Variants in NUP153 observed in about 807,000 individuals in gnomAD.
The protein encoded by NUP153 is nuclear pore complex protein Nup153.
In NUP153, 27 loss-of-function variants were observed where a neutral mutation model predicts 134.6. That is an observed-to-expected ratio of 0.20 (90% confidence interval 0.15 to 0.28). NUP153 has a LOEUF of 0.28. NUP153 is among the 10% of genes least tolerant of loss of function. The pLI is 1.00. For missense variants in NUP153, 1,821 were observed against 1,731.3 expected (o/e 1.05, Z -0.92); for synonymous variants, 640 against 623.5 (o/e 1.03, Z -0.40).
intron 1 of NUP153, among the ~76,000 whole-genome samples, chr6:17,702,804 T>G (rs1354032104): frequency 6.6e-6 from 1 of 152,238 alleles, no homozygotes; most frequent in Non-Finnish European, 1.5e-5. Context: ...TCTTCATATT[T>G]GCTTCTACAA....
chr6:17,704,882 C>T (rs1770376651), intron 1 of NUP153, among the ~76,000 whole-genome samples: 1 of 152,054 alleles, frequency 6.6e-6, no homozygotes, highest in Non-Finnish European at 1.5e-5. Flanking sequence ...GCCTCAGCCT[C>T]CCAAGTAGCT....
chr6:17,682,691 T>G (rs184657984), intron 2 of NUP153, among the ~76,000 whole-genome samples: 34 of 151,974 alleles, frequency 2.2e-4, no homozygotes, highest in African/African-American at 7.5e-4. Flanking sequence ...GGCTGAGGGG[T>G]GCAGATCACT....
At chr6:17,669,062 G>A in intron 7 of NUP153, 34 bp from the exon 8 acceptor site, 3 of 1,382,430 alleles carry the variant, frequency 2.2e-6, no homozygotes, top group Non-Finnish European at 9.8e-7. Context: ...TAGAATAGAT[G>A]GGGAGTTATG....
At chr6:17,682,925 G>GAAAAAAAAA (rs58196936) in intron 2 of NUP153, among the ~76,000 whole-genome samples, 2 of 123,766 alleles carry the variant, frequency 1.6e-5, no homozygotes, top group Non-Finnish European at 3.3e-5. Context: ...CAAAAAAGAA[G>GAAAAAAAAA]AAAAAAAAAA....
intron 5 of NUP153, among the ~76,000 whole-genome samples, chr6:17,671,354 T>C (rs1271419026): frequency 3.3e-5 from 5 of 152,194 alleles, no homozygotes; most frequent in African/African-American, 9.7e-5. Context: ...TCTCCTACTA[T>C]ACATAAGAGT....
chr6:17,634,972 T>C (rs1403828900), intron 16 of NUP153, among the ~76,000 whole-genome samples: 2 of 13,822 alleles, frequency 1.4e-4, no homozygotes, highest in Non-Finnish European at 4.2e-4. Flanking sequence ...TAAAACAAAT[T>C]AAAAAATAAA....
Position 17,649,297 on chromosome 6 carries a change from T to C in NUP153, c.1399A>G (p.Met467Val). ...VASKPLEEEE[M>V]EVPVLPKISL... Reference sequence around the variant, plus strand: ...ATTTTCGGTAATACTGGAACTTCCATTTCCTAAAACATAACATGTTGCATG... The same window carrying C: ...ATTTTCGGTAATACTGGAACTTCCACTTCCTAAAACATAACATGTTGCATG... Residue 467 changes from methionine to valine, a missense_variant, in exon 12 of 22, where the codon ATG (methionine) becomes GTG (valine). By Grantham distance (21) the Met-to-Val change is conservative. Coordinates refer to ENST00000262077, the MANE Select transcript of NUP153 (RefSeq NM_005124.4). 1 of 1,609,950 alleles carries C rather than the reference T, an allele frequency of 6.2e-7. No homozygotes were observed. Among genetic ancestry groups the C allele is most frequent in the South Asian group, 1.1e-5 (1 of 89,986 alleles).
intron 18 of NUP153, among the ~76,000 whole-genome samples, chr6:17,627,939 T>C (rs1037996421): frequency 6.6e-6 from 1 of 152,230 alleles, no homozygotes; most frequent in African/African-American, 2.4e-5. Context: ...TGTCACTTCT[T>C]TGATATTTCC....
chr6:17,694,803 C>A (rs1290055884), intron 1 of NUP153, among the ~76,000 whole-genome samples: 1 of 151,926 alleles, frequency 6.6e-6, no homozygotes, highest in Non-Finnish European at 1.5e-5. Context: ...ATAGTGAAAC[C>A]CCGTCTCTAC....
chr6:17,700,283 A>G (rs74291789), intron 1 of NUP153, among the ~76,000 whole-genome samples: 6,219 of 152,266 alleles, frequency 0.041, 396 homozygotes, highest in East Asian at 0.29. Flanking sequence ...TTACCTATAT[A>G]CATATGCCAG....
At chr6:17,644,966 G>A (rs1316039833) in intron 14 of NUP153, among the ~76,000 whole-genome samples, 1 of 151,926 alleles carries the variant, frequency 6.6e-6, no homozygotes, top group Admixed American at 6.6e-5. Flanking sequence ...GGCGCCTGTG[G>A]TGCCAGCTAC....
intron 16 of NUP153, among the ~76,000 whole-genome samples, chr6:17,633,930 A>T (rs1765388698): frequency 7.6e-6 from 1 of 131,418 alleles, no homozygotes; most frequent in Non-Finnish European, 1.7e-5. Context: ...TCCCCAAAAA[A>T]CAGTTTCCTA....
Position 17,637,676 on chromosome 6 carries a change from A to T in NUP153, c.1941T>A (p.Ser647=), listed in dbSNP as rs753829083. The change falls in exon 16 of 22, where the codon TCT becomes TCA. Residue 647 remains serine (S), a synonymous_variant. Coordinates refer to ENST00000262077, the MANE Select transcript of NUP153 (RefSeq NM_005124.4). ...YTRPAISSFS[S]SGIGFGESLK... is the part of the protein sequence containing the mutation. ...AACTCTCCCCAAACCCAATTCCACT[A>T]GAAGAAAAGCTACTTATTGCTGGTC... 9 of 1,612,922 alleles carry T rather than the reference A, an allele frequency of 5.6e-6. No individual in the cohort carries two copies. Among genetic ancestry groups the T allele is most frequent in the Non-Finnish European group, 7.6e-6 (9 of 1,180,028 alleles).
intron 16 of NUP153, among the ~76,000 whole-genome samples, chr6:17,636,536 C>T (rs1765560393): frequency 6.6e-6 from 1 of 152,094 alleles, no homozygotes; most frequent in Admixed American, 6.6e-5. Context: ...TGTTATCATA[C>T]ATCTGTACCA....
chr6:17,626,068 C>T lies in NUP153; in HGVS notation c.3641G>A (p.Ser1214Asn), dbSNP rs56360376. 3,210 of 1,614,058 alleles carry T rather than the reference C, an allele frequency of 2.0e-3. 61 individuals carry two copies. The African/African-American group carries it at 0.036, about 18-fold the overall frequency. ...AGGTGGATTGGAGGAAGAGGTGGAACTACCAAATATGCCACCACCAGCAGA... is the reference window on the plus strand; with the variant it reads ...AGGTGGATTGGAGGAAGAGGTGGAATTACCAAATATGCCACCACCAGCAGA... ...ATSAGGGIFG[S>N]STSSSNPPVA... The change falls in exon 19 of 22, where the codon AGT becomes AAT. Residue 1214 changes from serine (S) to asparagine (N), a missense_variant. By Grantham distance (46) the Ser-to-Asn change is conservative. Transcript: ENST00000262077.
chr6:17,654,175 TG>T (rs1766667335), intron 11 of NUP153, among the ~76,000 whole-genome samples: 1 of 151,978 alleles, frequency 6.6e-6, no homozygotes, highest in Admixed American at 6.6e-5. Context: ...AAGATGCATC[TG>T]GCTATTTTTG....
At position 17,661,764 on chromosome 6, in the gene NUP153, T is replaced by G. The variant is rs1337352430; in HGVS notation, c.1284A>C (p.Pro428=). The G allele has an allele frequency of 6.8e-6, 11 of 1,612,846 alleles. No individual in the cohort carries two copies. Among genetic ancestry groups the G allele is most frequent in the Middle Eastern group, 1.6e-4 (1 of 6,078 alleles). ...REQRESGFSY[P]NFSLPAANGL... ...CATTGGCTGCAGGCAAACTGAAATT[T>G]GGATATGAAAAGCCACTGGCAAATA... The change falls in exon 11 of 22, where the codon CCA becomes CCC. Residue 428 remains proline (P), a synonymous_variant. Coordinates refer to ENST00000262077, the MANE Select transcript of NUP153 (RefSeq NM_005124.4).
chr6:17,632,652 T>A lies in NUP153; in HGVS notation c.2657A>T (p.Lys886Ile). Reference sequence around the variant, plus strand: ...TATTTTTATTTTTTTGGCCTTACCTTTAAACCCAGATTTTGTGCCTGGCTT... The same window carrying A: ...TATTTTTATTTTTTTGGCCTTACCTATAAACCCAGATTTTGTGCCTGGCTT... ...SAKPGTKSGF[K>I]GFDTSSSSSN... Residue 886 changes from lysine to isoleucine, a missense_variant and splice_region_variant, in exon 17 of 22, where the codon AAA (lysine) becomes ATA (isoleucine). Coordinates refer to ENST00000262077, the MANE Select transcript of NUP153 (RefSeq NM_005124.4). 1 of 1,601,246 alleles carries A rather than the reference T, an allele frequency of 6.2e-7. No homozygotes were observed. The highest frequency in any genetic ancestry group is 8.5e-7 in the Non-Finnish European group (1 of 1,174,462).
At chr6:17,655,908 T>C (rs1433711127) in intron 11 of NUP153, among the ~76,000 whole-genome samples, 1 of 152,154 alleles carries the variant, frequency 6.6e-6, no homozygotes, top group African/African-American at 2.4e-5. Flanking sequence ...TATACAGATA[T>C]AAAACACAAG....
Sources: gnomAD v4.1 joint callset for allele counts (sites outside exome capture counted in the v4.1 genomes callset) on GRCh38, gnomAD v4.1.1 for gene constraint, MANE v1.5 for transcripts, NCBI Gene and HGNC (gene_info 2026-07-23, HGNC 2026-07-21) for gene names.